ELAVL2: variants seen among roughly 807,000 people sequenced by gnomAD.
The protein encoded by ELAVL2 is ELAV-like protein 2.
A neutral mutation model predicts 34.6 loss-of-function variants in ELAVL2; 4 were observed. The ratio of observed to expected loss-of-function variants is 0.12; its 90% CI spans 0.06 to 0.26. The LOEUF is 0.26. Among genes scored for constraint, ELAVL2 ranks in the 10% least tolerant of loss-of-function variants. The pLI, the probability that ELAVL2 is intolerant of heterozygous loss-of-function variation, is 1.00. For synonymous variants in ELAVL2, 193 were observed against 154.8 expected, an observed-to-expected ratio of 1.25 and a Z score of -1.83; for missense variants, 432 against 442.8, an observed-to-expected ratio of 0.98 and a Z score of 0.22.
At chr9:23,804,155 T>C (rs1182436178) in intron 1 of ELAVL2, among the ~76,000 whole-genome samples, 3 of 151,964 alleles carry the variant, frequency 2.0e-5, no homozygotes, top group Non-Finnish European at 4.4e-5. Flanking sequence ...GTTTAAAAGA[T>C]GGATTTATTA....
At chr9:23,753,379 G>C (rs961120561) in intron 2 of ELAVL2, among the ~76,000 whole-genome samples, 1 of 151,900 alleles carries the variant, frequency 6.6e-6, no homozygotes, top group African/African-American at 2.4e-5. Flanking sequence ...TGTTCCAACA[G>C]GTACAGAATA....
At chr9:23,766,526 C>T (rs573520963) in intron 1 of ELAVL2, among the ~76,000 whole-genome samples, 45 of 151,430 alleles carry the variant, frequency 3.0e-4, no homozygotes, top group African/African-American at 9.7e-4. Context: ...CCTTCTATTT[C>T]ATAGGAGGTG....
At chr9:23,796,649 A>G (rs2060965008) in intron 1 of ELAVL2, among the ~76,000 whole-genome samples, 2 of 152,252 alleles carry the variant, frequency 1.3e-5, no homozygotes, top group South Asian at 2.1e-4. Context: ...AGTTTACACC[A>G]TCCTTACGGA....
Position 23,692,555 on chromosome 9 carries a change from C to T in ELAVL2, c.*2G>A, listed in dbSNP as rs1356303093. The T allele has an allele frequency of 2.5e-6, 4 of 1,610,578 alleles. No homozygotes were observed. The highest frequency in any genetic ancestry group is 2.5e-6 in the Non-Finnish European group (3 of 1,177,464). ...TATAAATGGACTGAGGACAAGAGCT[C>T]ATTAGGCTTTGTGCGTTTTGTTTGT... On this transcript the variant is annotated 3_prime_UTR_variant, in exon 7 of 7. Coordinates refer to ENST00000397312, the MANE Select transcript of ELAVL2 (RefSeq NM_004432.5).
chr9:23,808,621 G>T (rs1239270886), intron 1 of ELAVL2, among the ~76,000 whole-genome samples: 1 of 152,162 alleles, frequency 6.6e-6, no homozygotes, highest in Non-Finnish European at 1.5e-5. Flanking sequence ...GCTAGGAAAA[G>T]AGAGATAAGT....
intron 3 of ELAVL2, among the ~76,000 whole-genome samples, chr9:23,710,116 T>C (rs950877646): frequency 6.6e-6 from 1 of 152,172 alleles, no homozygotes; most frequent in African/African-American, 2.4e-5. Flanking sequence ...AAAATAAAGA[T>C]AGAATATATT....
intron 1 of ELAVL2, among the ~76,000 whole-genome samples, chr9:23,773,555 A>G (rs1164907385): frequency 6.6e-6 from 1 of 152,188 alleles, no homozygotes; most frequent in Admixed American, 6.5e-5. Context: ...GTATGAGCAT[A>G]TATGTATATG....
intron 2 of ELAVL2, among the ~76,000 whole-genome samples, chr9:23,760,174 T>C (rs1382275868): frequency 6.6e-6 from 1 of 151,952 alleles, no homozygotes; most frequent in Non-Finnish European, 1.5e-5. Context: ...TAATTCAAGA[T>C]TGACTAGAGG....
At chr9:23,848,842 A>G in the ELAVL2 span, among the ~76,000 whole-genome samples, 6,247 of 152,258 alleles carry the variant, frequency 0.041, 206 homozygotes, top group Middle Eastern at 0.14. Flanking sequence ...TTCCATCCCA[A>G]CCTTCAAATG....
At position 23,783,149 on chromosome 9, in the gene ELAVL2, C is replaced by T. The variant is rs1293822886; in HGVS notation, c.-15-20900G>A. ...TTACTCCAATACCTGTGAAAGGTAG[C>T]CAAACTCTACTCTCCGGAGGCGTGA... On this transcript the variant is annotated intron_variant, in intron 1 of 6. Transcript: ENST00000397312. Among the ~76,000 whole-genome samples, 23 of 130,418 alleles carry T rather than the reference C, an allele frequency of 1.8e-4. No individual in the cohort carries two copies. In the Admixed American group the frequency reaches 2.1e-3, roughly 12 times the overall value. 85.6% of individuals were successfully genotyped at this position (130,418 alleles called of 152,430 possible).
chr9:23,735,907 C>T (rs1048710625), intron 2 of ELAVL2, among the ~76,000 whole-genome samples: 2 of 152,064 alleles, frequency 1.3e-5, no homozygotes, highest in Admixed American at 6.6e-5. Flanking sequence ...GAAGAAAACC[C>T]GTTTAGTGGC....
At chr9:23,700,010 G>A (rs1486947371) in intron 5 of ELAVL2, among the ~76,000 whole-genome samples, 1 of 151,574 alleles carries the variant, frequency 6.6e-6, no homozygotes, top group Non-Finnish European at 1.5e-5. Context: ...ACATAATTTA[G>A]TATTTTTTTA....
chr9:23,801,975 T>A (rs76900339), intron 1 of ELAVL2, among the ~76,000 whole-genome samples: 6,650 of 152,288 alleles, frequency 0.044, 213 homozygotes, highest in Middle Eastern at 0.15. Flanking sequence ...TCACGACTAA[T>A]GCGGGAAGCT....
Position 23,709,974 on chromosome 9 carries a change from A to G in ELAVL2, c.334-4903T>C, listed in dbSNP as rs552643792. Among the ~76,000 whole-genome samples the G allele has an allele frequency of 3.3e-5, 5 of 152,278 alleles. No homozygotes were observed. In the South Asian group the frequency reaches 1.0e-3, roughly 32 times the overall value. On this transcript the variant is annotated intron_variant, in intron 3 of 6. Coordinates refer to ENST00000397312, the MANE Select transcript of ELAVL2 (RefSeq NM_004432.5). ...ACAAAAGCTACGAGTGATATAATAA[A>G]CAAAGACAAGCAATACTGAGATTAT...
At chr9:23,778,103 T>G (rs1168945501) in intron 1 of ELAVL2, among the ~76,000 whole-genome samples, 1 of 152,150 alleles carries the variant, frequency 6.6e-6, no homozygotes, top group Admixed American at 6.5e-5. Context: ...GTCAAAAGTC[T>G]ACTTAAAGTA....
intron 1 of ELAVL2, among the ~76,000 whole-genome samples, chr9:23,784,417 A>T (rs2059440396): frequency 6.6e-6 from 1 of 152,234 alleles, no homozygotes; most frequent in Non-Finnish European, 1.5e-5. Flanking sequence ...ATTTAAGCTG[A>T]GATCTAAAGA....
In ELAVL2 at chr9:23,774,945, T is replaced by C. The variant is rs572575118; in HGVS notation, c.-15-12696A>G. ...ATTAATGGATCAGGCAAATGATCCA[T>C]GTATCTACATTCATACAAAATCATA... On this transcript the variant is annotated intron_variant, in intron 1 of 6. Transcript: ENST00000397312. Among the ~76,000 whole-genome samples, 3 of 152,332 alleles carry C rather than the reference T, an allele frequency of 2.0e-5. No homozygotes were observed. In the South Asian group the frequency reaches 6.2e-4, roughly 32 times the overall value.
At chr9:23,692,966 T>G in intron 6 of ELAVL2, 82 bp from the exon 7 acceptor site, 1 of 1,290,786 alleles carries the variant, frequency 7.7e-7, no homozygotes, top group Non-Finnish European at 1.1e-6. Context: ...GTATACCTTT[T>G]CCATCCCCAA....
intron 5 of ELAVL2, among the ~76,000 whole-genome samples, chr9:23,694,078 T>A (rs2034238609): frequency 6.6e-6 from 1 of 152,150 alleles, no homozygotes; most frequent in Admixed American, 6.5e-5. Context: ...ACCCTCCCAT[T>A]TCTCAAATGT....
Sources: allele counts gnomAD v4.1 joint callset (sites outside exome capture counted in the v4.1 genomes callset), GRCh38; gene constraint gnomAD v4.1.1; transcripts MANE v1.5; gene names NCBI Gene and HGNC (gene_info 2026-07-23, HGNC 2026-07-21).